Variants in ADK observed in about 807,000 individuals in gnomAD.
ADK encodes the protein adenosine kinase, also known as N6,N6-dimethyladenosine kinase.
In ADK, 24 loss-of-function variants were observed where a neutral mutation model predicts 44.7. The ratio of observed to expected loss-of-function variants is 0.54; its 90% CI spans 0.39 to 0.76. ADK has a LOEUF of 0.76. Among genes scored for constraint, ADK ranks in the 30% least tolerant of loss-of-function variants. The probability of loss-of-function intolerance (pLI) is 0.00; values close to 1 mark genes in which losing one functional copy is unlikely to be tolerated. For synonymous variants in ADK, 128 were observed against 142.6 expected, an observed-to-expected ratio of 0.90 and a Z score of 0.73; for missense variants, 321 against 425.1, an observed-to-expected ratio of 0.76 and a Z score of 2.15.
At chr10:74,485,624 T>C (rs1284675443) in intron 6 of ADK, among the ~76,000 whole-genome samples, 1 of 152,172 alleles carries the variant, frequency 6.6e-6, no homozygotes, top group African/African-American at 2.4e-5. Flanking sequence ...TTAGAATTAC[T>C]GACTCTTACA....
chr10:74,227,181 C>T (rs1844573984), intron 3 of ADK, among the ~76,000 whole-genome samples: 1 of 152,048 alleles, frequency 6.6e-6, no homozygotes, highest in Non-Finnish European at 1.5e-5. Context: ...AAGCTTTAAA[C>T]AATATAAGAG....
intron 3 of ADK, among the ~76,000 whole-genome samples, chr10:74,252,945 A>T (rs1845698609): frequency 6.6e-6 from 1 of 152,214 alleles, no homozygotes; most frequent in South Asian, 2.1e-4. Context: ...GGATACATTT[A>T]GAGATAGTAT....
chr10:74,670,835 A>G (rs1400343666), intron 10 of ADK, among the ~76,000 whole-genome samples: 1 of 51,936 alleles, frequency 1.9e-5, no homozygotes, highest in Non-Finnish European at 3.5e-5. Flanking sequence ...TCAAAACAAT[A>G]GAAGACTTGG....
chr10:74,176,774 G>T, intron 1 of ADK: 1 of 1,578,560 alleles, frequency 6.3e-7, no homozygotes, highest in Non-Finnish European at 8.6e-7. Context: ...GTCGCTGAGT[G>T]CCTGAGCCGG....
intron 6 of ADK, among the ~76,000 whole-genome samples, chr10:74,485,636 A>G (rs1301064910): frequency 6.6e-6 from 1 of 152,118 alleles, no homozygotes; most frequent in Non-Finnish European, 1.5e-5. Flanking sequence ...ACTCTTACAC[A>G]CTTGAAGATA....
chr10:74,165,702 T>C (rs1230455713), intron 1 of ADK, among the ~76,000 whole-genome samples: 1 of 152,092 alleles, frequency 6.6e-6, no homozygotes, highest in East Asian at 1.9e-4. Flanking sequence ...TGTATGAAGA[T>C]AGAAATTGAG....
At chr10:74,176,895 C>CG (rs762523321) in intron 1 of ADK, 2 of 1,610,048 alleles carry the variant, frequency 1.2e-6, no homozygotes, top group African/African-American at 2.7e-5. Context: ...AGGTAACGAG[C>CG]GGGCGGCTGC....
chr10:74,598,255 TAAAGTTTTAC>T (rs1851990497), intron 8 of ADK, among the ~76,000 whole-genome samples: 1 of 152,000 alleles, frequency 6.6e-6, no homozygotes, highest in Admixed American at 6.6e-5. Context: ...GAAGGAGAAA[TAAAGTTTTAC>T]ATACATCTGG....
chr10:74,162,320 C>G (rs1261928370), intron 1 of ADK, among the ~76,000 whole-genome samples: 2 of 152,114 alleles, frequency 1.3e-5, no homozygotes, highest in Admixed American at 1.3e-4. Flanking sequence ...GGCTCGGCTG[C>G]TTGTAGCATT....
intron 6 of ADK, among the ~76,000 whole-genome samples, chr10:74,513,518 T>G (rs776106265): frequency 6.6e-6 from 1 of 152,212 alleles, no homozygotes; most frequent in Non-Finnish European, 1.5e-5. Flanking sequence ...AGCTTTTGAC[T>G]TGAAGAGTGT....
intron 6 of ADK, among the ~76,000 whole-genome samples, chr10:74,485,740 C>T (rs1352791023): frequency 2.6e-5 from 4 of 151,962 alleles, no homozygotes; most frequent in African/African-American, 7.2e-5. Flanking sequence ...TGAACAAGGC[C>T]TCTACCAAGA....
intron 4 of ADK, among the ~76,000 whole-genome samples, chr10:74,340,892 A>G (rs1305877208): frequency 1.3e-5 from 2 of 152,228 alleles, no homozygotes; most frequent in Non-Finnish European, 2.9e-5. Flanking sequence ...TACAATATGT[A>G]GAATGTTATT....
chr10:74,249,496 T>TAC (rs72380023), intron 3 of ADK, among the ~76,000 whole-genome samples: 6,305 of 149,110 alleles, frequency 0.042, 187 homozygotes, highest in African/African-American at 0.077. Flanking sequence ...TGTACATGCA[T>TAC]ACACACACAC....
At chr10:74,313,578 A>C (rs1159817170) in intron 3 of ADK, among the ~76,000 whole-genome samples, 1 of 151,822 alleles carries the variant, frequency 6.6e-6, no homozygotes, top group Non-Finnish European at 1.5e-5. Context: ...TTTTCACATT[A>C]TATGCTTTAA....
chr10:74,197,000 G>A (rs1299556033), intron 1 of ADK, among the ~76,000 whole-genome samples: 1 of 152,126 alleles, frequency 6.6e-6, no homozygotes, highest in Non-Finnish European at 1.5e-5. Flanking sequence ...AGGTTTTTAA[G>A]GCTTCTAGCA....
chr10:74,370,177 GATTA>G (rs767296067), intron 4 of ADK, among the ~76,000 whole-genome samples: 1 of 152,134 alleles, frequency 6.6e-6, no homozygotes, highest in Non-Finnish European at 1.5e-5. Context: ...GTTTAAAATT[GATTA>G]ATTGTGCATC....
intron 7 of ADK, among the ~76,000 whole-genome samples, chr10:74,575,804 G>C (rs900808343): frequency 6.6e-6 from 1 of 152,170 alleles, no homozygotes; most frequent in African/African-American, 2.4e-5. Context: ...GAATCTAACA[G>C]TTGTGTGCAA....
At chr10:74,581,016 A>G (rs1851354803) in intron 7 of ADK, among the ~76,000 whole-genome samples, 1 of 111,128 alleles carries the variant, frequency 9.0e-6, no homozygotes, top group African/African-American at 4.0e-5. Context: ...TCAATCAATA[A>G]TAAATACACA....
At chr10:74,543,203 T>C (rs1474330216) in intron 7 of ADK, among the ~76,000 whole-genome samples, 2 of 148,502 alleles carry the variant, frequency 1.3e-5, no homozygotes, top group Non-Finnish European at 3.0e-5. Flanking sequence ...CCTGGCCTAT[T>C]TCATTTAAAA....
Sources: allele counts gnomAD v4.1 joint callset (sites outside exome capture counted in the v4.1 genomes callset), GRCh38; gene constraint gnomAD v4.1.1; transcripts MANE v1.5; gene names NCBI Gene and HGNC (gene_info 2026-07-23, HGNC 2026-07-21).